Variants in TMEM131 observed in about 807,000 individuals in gnomAD.
The protein encoded by TMEM131 is transmembrane protein 131, also known as 2610524E03Rik.
A neutral mutation model predicts 211.6 loss-of-function variants in TMEM131; 66 were observed. The ratio of observed to expected loss-of-function variants is 0.31; its 90% CI spans 0.26 to 0.38. TMEM131 has a LOEUF of 0.38. Ranked by LOEUF, TMEM131 falls within the 10% of genes least tolerant of loss-of-function variation. TMEM131 has a pLI of 1.00. For synonymous variants in TMEM131, 844 were observed against 841.3 expected, an observed-to-expected ratio of 1.00 and a Z score of -0.06; for missense variants, 2,036 against 2,299.3, an observed-to-expected ratio of 0.89 and a Z score of 2.34.
intron 1 of TMEM131, among the ~76,000 whole-genome samples, chr2:97,983,123 A>G (rs931205404): frequency 6.6e-6 from 1 of 151,902 alleles, no homozygotes; most frequent in African/African-American, 2.4e-5. Flanking sequence ...GAGCCCTTTC[A>G]TTCTTTTCTT....
chr2:97,890,940 C>T lies in TMEM131; in HGVS notation c.291-2820G>A, dbSNP rs147938922. On this transcript the variant is annotated intron_variant, in intron 3 of 40. Coordinates refer to ENST00000186436, the MANE Select transcript of TMEM131 (RefSeq NM_015348.2). ...GAAACAGTACATCAAATATGATTCC[C>T]TCATAAATAAAAGCATATTTTCAAA... 6.4e-4 allele frequency among the ~76,000 whole-genome samples: 97 copies of T among 152,274 alleles called. 1 individual carries two copies. The highest frequency in any genetic ancestry group is 2.3e-3 in the African/African-American group (94 of 41,556).
intron 17 of TMEM131, 129 bp from the exon 18 acceptor site, chr2:97,811,361 C>A (rs1472306308): frequency 6.3e-5 from 44 of 694,340 alleles, no homozygotes; most frequent in Middle Eastern, 3.0e-4. Flanking sequence ...CACTGAATTA[C>A]CATATCACTG....
intron 2 of TMEM131, among the ~76,000 whole-genome samples, chr2:97,914,476 G>A (rs1296364064): frequency 6.6e-6 from 1 of 152,176 alleles, no homozygotes; most frequent in African/African-American, 2.4e-5. Context: ...TCAAGACACA[G>A]AACAGTGTCA....
At chr2:97,938,509 A>G (rs534637443) in intron 1 of TMEM131, among the ~76,000 whole-genome samples, 1 of 152,208 alleles carries the variant, frequency 6.6e-6, no homozygotes, top group Non-Finnish European at 1.5e-5. Context: ...CCAATACAGG[A>G]GCACCCAGAT....
intron 26 of TMEM131, 70 bp downstream of exon 26, chr2:97,797,295 C>G: frequency 7.2e-7 from 1 of 1,381,576 alleles, no homozygotes; most frequent in East Asian, 2.3e-5. Flanking sequence ...CATGCAAATT[C>G]ATCTTAAAAC....
At chr2:97,872,776 C>T (rs925968770) in intron 4 of TMEM131, among the ~76,000 whole-genome samples, 3 of 152,248 alleles carry the variant, frequency 2.0e-5, no homozygotes, top group Non-Finnish European at 2.9e-5. Context: ...GCCTACCCCA[C>T]CAGGGCCCTG....
At position 97,756,568 on chromosome 2, in the gene TMEM131, G is replaced by A. The variant is rs551885471; in HGVS notation, c.*531C>T. 1 of 152,350 alleles carries A rather than the reference G, an allele frequency of 6.6e-6. No individual in the cohort carries two copies. Among genetic ancestry groups the A allele is most frequent in the African/African-American group, 2.4e-5 (1 of 41,558 alleles). The allele number at this position is 152,350 out of a possible 1,614,324, so 9.4% of individuals were successfully genotyped here. A position where few individuals can be genotyped will look rare whatever the true frequency, so the allele number is the denominator to read the frequency against. ...CGTTCTTAAGTTGACTTACATTTCT[G>A]TAATCTGCTTTTAAACCAAGACAGC... is the stretch of plus-strand genomic sequence containing the variant. On this transcript the variant is annotated 3_prime_UTR_variant, in exon 41 of 41. Coordinates refer to ENST00000186436, the MANE Select transcript of TMEM131 (RefSeq NM_015348.2).
intron 25 of TMEM131, among the ~76,000 whole-genome samples, chr2:97,797,821 T>C (rs892966779): frequency 6.6e-5 from 10 of 152,224 alleles, no homozygotes; most frequent in Admixed American, 2.6e-4. Context: ...ACCTAAAAAT[T>C]TGAAATATTC....
At chr2:97,908,878 T>C (rs1020031338) in intron 2 of TMEM131, among the ~76,000 whole-genome samples, 180 bp from the exon 3 acceptor site, 4 of 152,168 alleles carry the variant, frequency 2.6e-5, no homozygotes, top group African/African-American at 9.7e-5. Flanking sequence ...TAAACACACA[T>C]GAAGTAACAG....
At chr2:97,916,349 T>G (rs1676507433) in intron 2 of TMEM131, among the ~76,000 whole-genome samples, 1 of 152,180 alleles carries the variant, frequency 6.6e-6, no homozygotes, top group African/African-American at 2.4e-5. Flanking sequence ...CTGAGAAGAC[T>G]CAAAATTTAA....
chr2:97,765,891 T>C (rs1290292188), intron 35 of TMEM131, among the ~76,000 whole-genome samples: 1 of 151,068 alleles, frequency 6.6e-6, no homozygotes, highest in East Asian at 1.9e-4. Flanking sequence ...AAAGCCCTGA[T>C]GTGAATTGTT....
At chr2:97,907,981 AGCTGCTGGAGGGACT>A (rs1175768528) in intron 3 of TMEM131, among the ~76,000 whole-genome samples, 1 of 152,150 alleles carries the variant, frequency 6.6e-6, no homozygotes, top group East Asian at 1.9e-4. Context: ...AACACAAAAT[AGCTGCTGGAGGGACT>A]GTTTTATCCA....
rs1009106829 is a variant in TMEM131 at position 97,796,416 on chromosome 2, A to G, written c.3014-12T>C. ...TCTTAGTTTTAAACCTAAAGGATAA[A>G]AAATCAGGAATAAGACTAAATCTTG... On this transcript the variant is annotated splice_polypyrimidine_tract_variant and intron_variant, in intron 27 of 40. Transcript: ENST00000186436. The G allele has an allele frequency of 1.3e-5, 19 of 1,469,108 alleles. No homozygotes were observed. The African/African-American group carries it at 2.0e-4, about 16-fold the overall frequency. 91.0% of individuals were successfully genotyped at this position (1,469,108 alleles called of 1,614,324 possible).
intron 1 of TMEM131, among the ~76,000 whole-genome samples, chr2:97,968,061 C>T (rs145815395): frequency 6.6e-5 from 10 of 152,144 alleles, no homozygotes; most frequent in Admixed American, 5.2e-4. Flanking sequence ...CCCCAGCACC[C>T]GACCTATCCT....
intron 5 of TMEM131, among the ~76,000 whole-genome samples, chr2:97,852,113 T>A (rs1394387144): frequency 1.3e-5 from 2 of 151,156 alleles, no homozygotes; most frequent in African/African-American, 4.9e-5. Context: ...CTGATAGGGA[T>A]AAAGCTTTAG....
intron 4 of TMEM131, among the ~76,000 whole-genome samples, chr2:97,860,710 C>T (rs1416466073): frequency 6.6e-6 from 1 of 152,206 alleles, no homozygotes; most frequent in Non-Finnish European, 1.5e-5. Context: ...AAGGGCAGGG[C>T]ATGATGGCCA....
intron 11 of TMEM131, among the ~76,000 whole-genome samples, chr2:97,828,088 A>C (rs1386468283): frequency 6.6e-6 from 1 of 152,200 alleles, no homozygotes; most frequent in Admixed American, 6.5e-5. Context: ...GAAAGATTAC[A>C]AATTTGAATA....
At chr2:97,797,340 C>A (rs768550862) in intron 26 of TMEM131, 25 bp downstream of exon 26, 8 of 1,553,870 alleles carry the variant, frequency 5.1e-6, no homozygotes, top group Non-Finnish European at 6.9e-6. Context: ...TAAAAATGAA[C>A]CCACACCTAT....
chr2:97,860,713 G>T (rs1039798609), intron 4 of TMEM131, among the ~76,000 whole-genome samples: 1 of 152,170 alleles, frequency 6.6e-6, no homozygotes, highest in Non-Finnish European at 1.5e-5. Flanking sequence ...GGCAGGGCAT[G>T]ATGGCCAAAT....
Sources: gnomAD v4.1 joint callset for allele counts (sites outside exome capture counted in the v4.1 genomes callset) on GRCh38, gnomAD v4.1.1 for gene constraint, MANE v1.5 for transcripts, NCBI Gene and HGNC (gene_info 2026-07-23, HGNC 2026-07-21) for gene names.